Variants in DNM2 observed in about 807,000 individuals in gnomAD.
DNM2 encodes dynamin 2, also known as dynamin-2.
DNM2 carries 15 observed loss-of-function variants against 99.0 expected under a neutral mutation model. That is an observed-to-expected ratio of 0.15 (90% CI 0.10 to 0.23). The LOEUF is 0.23. Ranked by LOEUF, DNM2 falls within the 10% of genes least tolerant of loss-of-function variation. The pLI, the probability that DNM2 is intolerant of heterozygous loss-of-function variation, is 1.00. For synonymous variants in DNM2, 525 were observed against 481.2 expected (o/e 1.09, Z -1.19); for missense variants, 742 against 1,189.4 (o/e 0.62, Z 5.53).
At position 10,764,555 on chromosome 19, in the gene DNM2, C is replaced by T. The variant is rs2070734827; in HGVS notation, c.235+4744C>T. On this transcript the variant is annotated intron_variant, in intron 2 of 20. Coordinates refer to ENST00000389253, the MANE Select transcript of DNM2 (RefSeq NM_001005361.3). The surrounding 1 kb of genome is among the most constrained non-coding windows in gnomAD (Gnocchi z 4.1). ...TGGGACTGTTCCTGTGTGGAATGTG[C>T]ACAGTGAGGCCCTGTGAACCACCCC... Among the ~76,000 whole-genome samples, 1 of 152,200 alleles carries T rather than the reference C, an allele frequency of 6.6e-6. No homozygotes were observed. Among genetic ancestry groups the T allele is most frequent in the Admixed American group, 6.5e-5 (1 of 15,284 alleles).
intron 1 of DNM2, 59 bp downstream of exon 1, chr19:10,718,462 C>G (rs1475859148): frequency 7.6e-7 from 1 of 1,309,962 alleles, no homozygotes; most frequent in Non-Finnish European, 9.7e-7. Flanking sequence ...GAGGGCGGAC[C>G]GGGAATGGCG....
Position 10,718,137 on chromosome 19 carries a change from C to A in DNM2, c.-106C>A. 8.3e-7 allele frequency: 1 copy of A among 1,210,180 alleles called. No individual in the cohort carries two copies. The highest frequency in any genetic ancestry group is 1.0e-6 in the Non-Finnish European group (1 of 960,372). 75.0% of individuals were successfully genotyped at this position (1,210,180 alleles called of 1,614,324 possible). On this transcript the variant is annotated 5_prime_UTR_variant, in exon 1 of 21. Coordinates refer to ENST00000389253, the MANE Select transcript of DNM2 (RefSeq NM_001005361.3). ...GCCGGGAGCGGGCGTCTTGCCGAGG[C>A]CCGGGCGGGCGGGGAGCAACGGCTA...
intron 1 of DNM2, among the ~76,000 whole-genome samples, chr19:10,757,067 C>T (rs2070412379): frequency 6.6e-6 from 1 of 152,104 alleles, no homozygotes; most frequent in South Asian, 2.1e-4. Context: ...CAGTGATGAC[C>T]AGCCTCCTCA....
chr19:10,808,544 C>A (rs752585577), intron 13 of DNM2, 25 bp from the exon 14 acceptor site: 1 of 1,611,436 alleles, frequency 6.2e-7, no homozygotes, highest in Non-Finnish European at 8.5e-7. Flanking sequence ...GATTTACCCA[C>A]AACCCTAACT....
intron 13 of DNM2, among the ~76,000 whole-genome samples, chr19:10,807,538 C>G (rs1311650281): frequency 7.6e-6 from 1 of 131,400 alleles, no homozygotes; most frequent in East Asian, 2.6e-4. Context: ...TCACGTCCAG[C>G]CTTTTTTTTT....
intron 1 of DNM2, among the ~76,000 whole-genome samples, chr19:10,728,020 A>G (rs778114389): frequency 2.0e-4 from 31 of 152,204 alleles, no homozygotes; most frequent in Non-Finnish European, 3.7e-4. Flanking sequence ...GCAGGACTGC[A>G]AAGAGAGGAA....
Position 10,797,494 on chromosome 19 carries a change from G to T in DNM2, c.1311G>T (p.Thr437=), listed in dbSNP as rs142134806. 4.0e-5 allele frequency: 60 copies of T among 1,484,224 alleles called. No individual in the cohort carries two copies. The African/African-American group carries it at 9.8e-4, about 24-fold the overall frequency. 91.9% of individuals were successfully genotyped at this position (1,484,224 alleles called of 1,614,324 possible). Residue 437 remains threonine, a synonymous_variant, in exon 10 of 21, where the codon ACG becomes ACT. Transcript: ENST00000389253. ...ATCTCGTGGTCTCAGAGCTGGCCAC[G>T]GTCATAAAAAAGTGTGCCGAGAAGG... ...CVDLVVSELA[T]VIKKCAEKLS... is the part of the protein sequence containing the mutation.
intron 19 of DNM2, among the ~76,000 whole-genome samples, chr19:10,829,612 G>A (rs1345080861): frequency 6.6e-6 from 1 of 152,216 alleles, no homozygotes; most frequent in Non-Finnish European, 1.5e-5. Context: ...GAGAAGGGCA[G>A]ATGGGAGGCT....
chr19:10,733,314 C>T (rs1365847199), intron 1 of DNM2, among the ~76,000 whole-genome samples: 13 of 151,526 alleles, frequency 8.6e-5, no homozygotes. Context: ...ACCACAGCCT[C>T]CCAACTAGCT....
Position 10,817,842 on chromosome 19 carries a change from G to A in DNM2, c.1672-2138G>A, listed in dbSNP as rs1225302945. ...GCGCGCGCGCGCACGCGTGCGTGCC[G>A]GCAGCACCAGGAAGGCGGCCACTGA... On this transcript the variant is annotated intron_variant, in intron 15 of 20. Coordinates refer to ENST00000389253, the MANE Select transcript of DNM2 (RefSeq NM_001005361.3). The surrounding 1 kb of genome is among the most constrained non-coding windows in gnomAD (Gnocchi z 4.6). 2.0e-5 allele frequency among the ~76,000 whole-genome samples: 3 copies of A among 150,972 alleles called. No homozygotes were observed. Among genetic ancestry groups the A allele is most frequent in the Admixed American group, 6.6e-5 (1 of 15,182 alleles).
chr19:10,767,419 C>T (rs1023772000), intron 2 of DNM2, among the ~76,000 whole-genome samples: 1 of 152,224 alleles, frequency 6.6e-6, no homozygotes, highest in Non-Finnish European at 1.5e-5. Context: ...TCAAGCAGTC[C>T]TCCCACCTCA....
intron 1 of DNM2, among the ~76,000 whole-genome samples, chr19:10,750,991 C>A (rs560926848): frequency 6.6e-6 from 1 of 151,850 alleles, no homozygotes; most frequent in Non-Finnish European, 1.5e-5. Flanking sequence ...TTGGAGGATC[C>A]CACCTTGGGG....
At chr19:10,737,388 T>A (rs1158924061) in intron 1 of DNM2, among the ~76,000 whole-genome samples, 1 of 152,164 alleles carries the variant, frequency 6.6e-6, no homozygotes, top group Non-Finnish European at 1.5e-5. Context: ...CTGGCCACTC[T>A]GCTCAAACGC....
intron 1 of DNM2, among the ~76,000 whole-genome samples, chr19:10,731,953 A>ATT (rs1393753614): frequency 1.8e-4 from 24 of 132,524 alleles, no homozygotes; most frequent in African/African-American, 5.3e-4. Context: ...CACAGGCTTG[A>ATT]TTTTTTTTTT....
At chr19:10,727,326 T>C (rs1464339413) in intron 1 of DNM2, among the ~76,000 whole-genome samples, 2 of 152,010 alleles carry the variant, frequency 1.3e-5, no homozygotes, top group African/African-American at 4.8e-5. Context: ...TTGGGGACAG[T>C]TGTAGATTTA....
intron 1 of DNM2, among the ~76,000 whole-genome samples, chr19:10,733,430 T>C (rs1344964162): frequency 1.3e-5 from 2 of 150,582 alleles, no homozygotes; most frequent in Non-Finnish European, 3.0e-5. Context: ...TGAGCTCAGG[T>C]AATCTGCCTG....
intron 12 of DNM2, chr19:10,802,697 G>A: frequency 2.5e-6 from 1 of 392,306 alleles, no homozygotes; most frequent in Non-Finnish European, 4.9e-6. Context: ...CCAGTGTGCA[G>A]CTTTTCCCAG....
chr19:10,761,998 G>T (rs939663386), intron 2 of DNM2, among the ~76,000 whole-genome samples: 1 of 152,166 alleles, frequency 6.6e-6, no homozygotes, highest in Non-Finnish European at 1.5e-5. Flanking sequence ...GTAGTTTTCT[G>T]TTTCTCATTG....
intron 1 of DNM2, among the ~76,000 whole-genome samples, chr19:10,721,849 A>G (rs1472508881): frequency 6.6e-6 from 1 of 152,124 alleles, no homozygotes; most frequent in East Asian, 1.9e-4. Context: ...TGTTTTTAAT[A>G]AGACTTTCCA....
Sources: allele counts gnomAD v4.1 joint callset (sites outside exome capture counted in the v4.1 genomes callset), GRCh38; gene constraint gnomAD v4.1.1; non-coding constraint Gnocchi (gnomAD v3.1); transcripts MANE v1.5; gene names NCBI Gene and HGNC (gene_info 2026-07-23, HGNC 2026-07-21).